PTDSS1: variants seen among roughly 807,000 people sequenced by gnomAD.
PTDSS1 encodes phosphatidylserine synthase 1.
In PTDSS1, 45 loss-of-function variants were observed where a neutral mutation model predicts 70.5. That is an observed-to-expected ratio of 0.64 (90% confidence interval 0.50 to 0.82). PTDSS1 has a LOEUF of 0.82. Ranked by LOEUF, PTDSS1 falls within the 40% of genes least tolerant of loss-of-function variation. The probability of loss-of-function intolerance (pLI) is 0.00; values close to 1 mark genes in which losing one functional copy is unlikely to be tolerated. For synonymous variants in PTDSS1, 188 were observed against 203.8 expected (o/e 0.92, Z 0.66); for missense variants, 417 against 586.1 (o/e 0.71, Z 2.98).
chr8:96,317,905 G>GTGTGTGTA (rs1278821013), intron 9 of PTDSS1, among the ~76,000 whole-genome samples: 2 of 46,646 alleles, frequency 4.3e-5, no homozygotes, highest in African/African-American at 1.5e-4. Context: ...GTGTGTGTGT[G>GTGTGTGTA]TGTGTGTGTG....
At chr8:96,282,756 G>C (rs1810758821) in intron 2 of PTDSS1, among the ~76,000 whole-genome samples, 2 of 152,176 alleles carry the variant, frequency 1.3e-5, no homozygotes, top group African/African-American at 2.4e-5. Context: ...AAAAATTGCA[G>C]CAGAATGTTT....
In PTDSS1 at chr8:96,334,189, C is replaced by T. The variant is rs1265922543; in HGVS notation, c.*623C>T. ...ATTCCTGTTTGGTAACCTCAGTCTC[C>T]TGTAAGACCTCCTACCACATGGCGA... On this transcript the variant is annotated 3_prime_UTR_variant, in exon 13 of 13. Coordinates refer to ENST00000517309, the MANE Select transcript of PTDSS1 (RefSeq NM_014754.3). The T allele has an allele frequency of 5.3e-6, 1 of 187,178 alleles. No individual in the cohort carries two copies. Among genetic ancestry groups the T allele is most frequent in the African/African-American group, 2.4e-5 (1 of 42,504 alleles). 11.6% of individuals were successfully genotyped at this position (187,178 alleles called of 1,614,324 possible).
chr8:96,281,201 A>T (rs1254349236), intron 2 of PTDSS1, among the ~76,000 whole-genome samples: 1 of 152,202 alleles, frequency 6.6e-6, no homozygotes, highest in Non-Finnish European at 1.5e-5. Context: ...AAGTAAAATG[A>T]TACTTTTAGC....
chr8:96,282,107 A>G (rs1485196950), intron 2 of PTDSS1, among the ~76,000 whole-genome samples: 1 of 152,222 alleles, frequency 6.6e-6, no homozygotes, highest in African/African-American at 2.4e-5. Context: ...ACTATACAGA[A>G]AACTGACGTC....
intron 4 of PTDSS1, among the ~76,000 whole-genome samples, chr8:96,294,222 A>C (rs1009999284): frequency 2.0e-5 from 3 of 152,226 alleles, no homozygotes; most frequent in African/African-American, 7.2e-5. Flanking sequence ...TTTTGCTCTC[A>C]GAAAGTATCA....
At chr8:96,264,569 T>C (rs1303174732) in intron 1 of PTDSS1, among the ~76,000 whole-genome samples, 1 of 152,224 alleles carries the variant, frequency 6.6e-6, no homozygotes, top group African/African-American at 2.4e-5. Flanking sequence ...AGGGAGTTTC[T>C]CTGGAAATTA....
At chr8:96,330,509 A>G in intron 11 of PTDSS1, 1 of 528,206 alleles carries the variant, frequency 1.9e-6, no homozygotes, top group South Asian at 2.4e-5. Flanking sequence ...AACTTTTGTT[A>G]GATAAAAAAA....
rs538011978 is a variant in PTDSS1, at chr8:96,287,731, A to T, written c.441+585A>T. On this transcript the variant is annotated intron_variant, in intron 4 of 12. Coordinates refer to ENST00000517309, the MANE Select transcript of PTDSS1 (RefSeq NM_014754.3). ...CATGAATTAGTTTATTTCATTTGTT[A>T]CTATTATTTTTATCGAACCATACAA... 1.6e-3 allele frequency among the ~76,000 whole-genome samples: 236 copies of T among 152,148 alleles called. 1 individual carries two copies. Among genetic ancestry groups the T allele is most frequent in the African/African-American group, 5.6e-3 (231 of 41,516 alleles).
At chr8:96,299,670 A>T (rs1412572545) in intron 5 of PTDSS1, 24 bp from the exon 6 acceptor site, 5 of 1,583,406 alleles carry the variant, frequency 3.2e-6, no homozygotes, top group African/African-American at 1.4e-5. Context: ...TATTTTTCCA[A>T]CCATGGGCTC....
chr8:96,318,541 G>A (rs980837805), intron 9 of PTDSS1, among the ~76,000 whole-genome samples: 4 of 152,116 alleles, frequency 2.6e-5, no homozygotes, highest in African/African-American at 9.7e-5. Context: ...ACATGTAACT[G>A]CCACCTAGCG....
chr8:96,320,107 G>T, intron 9 of PTDSS1, 139 bp from the exon 10 acceptor site: 1 of 692,786 alleles, frequency 1.4e-6, no homozygotes, highest in Non-Finnish European at 2.5e-6. Flanking sequence ...GTGTTATTTT[G>T]TGGGGTACCT....
At chr8:96,289,431 T>A (rs1166714419) in intron 4 of PTDSS1, among the ~76,000 whole-genome samples, 3 of 152,168 alleles carry the variant, frequency 2.0e-5, no homozygotes, top group African/African-American at 7.2e-5. Flanking sequence ...TGTCAGTAAC[T>A]GGGGTCAAAG....
intron 2 of PTDSS1, among the ~76,000 whole-genome samples, chr8:96,274,653 A>T (rs1365101021): frequency 2.6e-5 from 4 of 152,164 alleles, no homozygotes; most frequent in Non-Finnish European, 5.9e-5. Context: ...TGAACCCGGG[A>T]GGCGGAGGTT....
intron 5 of PTDSS1, among the ~76,000 whole-genome samples, chr8:96,297,208 T>G (rs1178031789): frequency 1.3e-5 from 2 of 152,342 alleles, no homozygotes; most frequent in Non-Finnish European, 2.9e-5. Flanking sequence ...AGACGGAGTC[T>G]TGCTTTGTTG....
chr8:96,304,006 C>G, intron 6 of PTDSS1, 34 bp from the exon 7 acceptor site: 1 of 1,578,434 alleles, frequency 6.3e-7, no homozygotes. Context: ...TGCCTTATCT[C>G]TGGATTTTCA....
intron 2 of PTDSS1, among the ~76,000 whole-genome samples, chr8:96,282,517 T>G (rs886719214): frequency 6.6e-6 from 1 of 152,146 alleles, no homozygotes; most frequent in Non-Finnish European, 1.5e-5. Flanking sequence ...CTACCTGCCA[T>G]CCAAAACGCA....
At chr8:96,312,890 T>A (rs1369097837) in intron 9 of PTDSS1, among the ~76,000 whole-genome samples, 1 of 152,220 alleles carries the variant, frequency 6.6e-6, no homozygotes, top group Non-Finnish European at 1.5e-5. Context: ...TTATTTCCTC[T>A]CCTATCAAAA....
At chr8:96,283,615 T>A (rs9969590) in intron 2 of PTDSS1, 14,182 of 149,900 alleles carry the variant, frequency 0.095, 1,831 homozygotes, top group African/African-American at 0.3. Flanking sequence ...TCTCTCTCTC[T>A]CACACACACA....
chr8:96,263,331 TA>T (rs1810439216), intron 1 of PTDSS1, among the ~76,000 whole-genome samples: 1 of 152,154 alleles, frequency 6.6e-6, no homozygotes, highest in Non-Finnish European at 1.5e-5. Flanking sequence ...TGAACCTCTT[TA>T]AAGAAAGGGA....
Sources: gnomAD v4.1 joint callset for allele counts (sites outside exome capture counted in the v4.1 genomes callset) on GRCh38, gnomAD v4.1.1 for gene constraint, MANE v1.5 for transcripts, NCBI Gene and HGNC (gene_info 2026-07-23, HGNC 2026-07-21) for gene names.